CDH13: variants seen among roughly 807,000 people sequenced by gnomAD.
The protein encoded by CDH13 is cadherin-13.
CDH13 carries 24 observed loss-of-function variants against 63.8 expected under a neutral mutation model. The ratio of observed to expected loss-of-function variants is 0.38; its 90% CI spans 0.27 to 0.53. The LOEUF is 0.53. CDH13 is among the 20% of genes least tolerant of loss of function. The pLI, the probability that CDH13 is intolerant of heterozygous loss-of-function variation, is 0.85. For synonymous variants in CDH13, 503 were observed against 355.3 expected (o/e 1.42, Z -4.67); for missense variants, 1,049 against 903.1 (o/e 1.16, Z -2.07).
At chr16:83,155,577 T>A (rs2037174147) in intron 4 of CDH13, among the ~76,000 whole-genome samples, 1 of 152,068 alleles carries the variant, frequency 6.6e-6, no homozygotes, top group Admixed American at 6.5e-5. Context: ...ATAGCTAAAG[T>A]CAAACAAGTT....
chr16:83,541,942 C>A (rs540875341), intron 7 of CDH13, among the ~76,000 whole-genome samples: 1 of 152,332 alleles, frequency 6.6e-6, no homozygotes, highest in South Asian at 2.1e-4. Context: ...TACCCATTCC[C>A]TAGCAAGTGT....
At chr16:83,680,229 T>C (rs1915294376) in intron 10 of CDH13, among the ~76,000 whole-genome samples, 2 of 152,216 alleles carry the variant, frequency 1.3e-5, no homozygotes, top group South Asian at 2.1e-4. Context: ...TCCATTCTAG[T>C]GTCACTCGGC....
At chr16:83,018,608 T>G (rs1915040427) in intron 2 of CDH13, among the ~76,000 whole-genome samples, 1 of 152,180 alleles carries the variant, frequency 6.6e-6, no homozygotes, top group Non-Finnish European at 1.5e-5. Flanking sequence ...GCCCCTCCAG[T>G]ATGGTCATGC....
intron 5 of CDH13, among the ~76,000 whole-genome samples, chr16:83,342,891 G>C (rs1279929390): frequency 2.6e-5 from 2 of 77,356 alleles, no homozygotes; most frequent in African/African-American, 1.0e-4. Context: ...TCAAGTCCTT[G>C]GCTATTTTGG....
intron 1 of CDH13, among the ~76,000 whole-genome samples, chr16:82,774,967 C>G (rs1254613309): frequency 6.6e-6 from 1 of 152,174 alleles, no homozygotes; most frequent in East Asian, 1.9e-4. Context: ...TAAAATGGAT[C>G]AGTTCTACCT....
At chr16:83,322,708 C>T (rs1202061206) in intron 5 of CDH13, among the ~76,000 whole-genome samples, 3 of 152,206 alleles carry the variant, frequency 2.0e-5, no homozygotes, top group South Asian at 4.2e-4. Context: ...AACATCTAGA[C>T]GTTCTTTTAC....
intron 4 of CDH13, among the ~76,000 whole-genome samples, chr16:83,199,889 C>A (rs770989091): frequency 6.6e-6 from 1 of 152,130 alleles, no homozygotes; most frequent in South Asian, 2.1e-4. Context: ...TTAGAGCCAG[C>A]GTACAAACTG....
intron 7 of CDH13, among the ~76,000 whole-genome samples, chr16:83,487,760 C>T (rs2073923758): frequency 6.6e-6 from 1 of 152,182 alleles, no homozygotes; most frequent in South Asian, 2.1e-4. Flanking sequence ...TGCTGGGCTT[C>T]CCTCGGGGGC....
chr16:83,416,558 T>C (rs1283647329), intron 6 of CDH13, among the ~76,000 whole-genome samples: 5 of 152,216 alleles, frequency 3.3e-5, no homozygotes, highest in Non-Finnish European at 7.3e-5. Context: ...GAAACTGCCA[T>C]GCCCACAGGT....
At chr16:82,856,386 AAAAGAAAAG>A (rs2039692726) in intron 1 of CDH13, among the ~76,000 whole-genome samples, 5 of 34,156 alleles carry the variant, frequency 1.5e-4, no homozygotes, top group East Asian at 3.1e-3. Context: ...AAAAAAAAAA[AAAAGAAAAG>A]AAAAGAAAAG....
intron 1 of CDH13, among the ~76,000 whole-genome samples, chr16:82,798,251 C>A (rs747183565): frequency 1.3e-5 from 2 of 152,126 alleles, no homozygotes; most frequent in Non-Finnish European, 2.9e-5. Flanking sequence ...ATCTAGAAAA[C>A]AAGTACATCA....
intron 1 of CDH13, among the ~76,000 whole-genome samples, chr16:82,641,684 G>A (rs932163385): frequency 6.6e-6 from 1 of 152,220 alleles, no homozygotes; most frequent in Non-Finnish European, 1.5e-5. Flanking sequence ...AGTGGAGGCT[G>A]TCTAAACAGT....
rs150863736 is a variant in CDH13, at chr16:83,685,650, G to C, written c.1538+7189G>C. Reference sequence around the variant, plus strand: ...GATGGTGTCCCTATAAAGGAAGAAAGAAAGGGAGAGAGGAAGGGAAGAAGG... The same window carrying C: ...GATGGTGTCCCTATAAAGGAAGAAACAAAGGGAGAGAGGAAGGGAAGAAGG... On this transcript the variant is annotated intron_variant, in intron 10 of 13. Coordinates refer to ENST00000567109, the MANE Select transcript of CDH13 (RefSeq NM_001257.5). Among the ~76,000 whole-genome samples, 567 of 152,304 alleles carry C rather than the reference G, an allele frequency of 3.7e-3. 6 individuals are homozygous for C. Among genetic ancestry groups the C allele is most frequent in the Admixed American group, 8.2e-3 (126 of 15,300 alleles).
chr16:82,847,890 C>T, intron 1 of CDH13, among the ~76,000 whole-genome samples: 1 of 99,816 alleles, frequency 1.0e-5, no homozygotes. Flanking sequence ...TTTTCTTGTG[C>T]TTCACTTTTT....
intron 4 of CDH13, among the ~76,000 whole-genome samples, chr16:83,209,733 C>G (rs748712395): frequency 6.6e-6 from 1 of 152,088 alleles, no homozygotes; most frequent in Non-Finnish European, 1.5e-5. Context: ...CACCAAGAGG[C>G]AAGGTGCTCC....
chr16:82,946,635 T>C lies in CDH13; in HGVS notation c.158-85375T>C, dbSNP rs1762836158. 2.0e-5 allele frequency among the ~76,000 whole-genome samples: 3 copies of C among 151,868 alleles called. No homozygotes were observed. In the South Asian group the frequency reaches 6.2e-4, roughly 32 times the overall value. On this transcript the variant is annotated intron_variant, in intron 2 of 13. Transcript: ENST00000567109. ...GCTTAGGAGGCTGAGGCGTGAAAAT[T>C]GCTTGAAACCAGGAGGTGGAGGTTG... is the stretch of plus-strand genomic sequence containing the variant.
intron 3 of CDH13, among the ~76,000 whole-genome samples, chr16:83,037,511 G>A (rs532332921): frequency 2.6e-5 from 4 of 152,334 alleles, no homozygotes; most frequent in Admixed American, 1.3e-4. Flanking sequence ...GGAAGAAAGA[G>A]CCAGGATCCC....
chr16:82,867,327 G>C (rs116508321), intron 2 of CDH13, among the ~76,000 whole-genome samples: 1 of 152,148 alleles, frequency 6.6e-6, no homozygotes, highest in Admixed American at 6.5e-5. Flanking sequence ...TTGCCGGTGT[G>C]TTTTCCCATC....
intron 5 of CDH13, among the ~76,000 whole-genome samples, chr16:83,245,772 T>G (rs1215661594): frequency 6.6e-6 from 1 of 152,202 alleles, no homozygotes; most frequent in Non-Finnish European, 1.5e-5. Context: ...AGGCAGGGTC[T>G]CACCCTGTCT....
Sources: allele counts gnomAD v4.1 joint callset (sites outside exome capture counted in the v4.1 genomes callset), GRCh38; gene constraint gnomAD v4.1.1; transcripts MANE v1.5; gene names NCBI Gene and HGNC (gene_info 2026-07-23, HGNC 2026-07-21).